Variants in SLC7A5 observed in about 807,000 individuals in gnomAD.
SLC7A5 encodes the protein large neutral amino acids transporter small subunit 1.
Under a neutral mutation model 50.2 loss-of-function variants are expected in SLC7A5, and 23 were observed. That is an observed-to-expected ratio of 0.46 (90% CI 0.33 to 0.65). The LOEUF is 0.65. Among genes scored for constraint, SLC7A5 ranks in the 30% least tolerant of loss-of-function variants. SLC7A5 has a pLI of 0.02. For synonymous variants in SLC7A5, 393 were observed against 330.6 expected (o/e 1.19, Z -2.05); for missense variants, 578 against 684.4 (o/e 0.84, Z 1.73).
At chr16:87,856,576 C>A (rs2055323999) in intron 1 of SLC7A5, among the ~76,000 whole-genome samples, 1 of 152,236 alleles carries the variant, frequency 6.6e-6, no homozygotes, top group South Asian at 2.1e-4. Context: ...CCTGGCAAAC[C>A]TGACACCCAG....
chr16:87,851,640 C>T, intron 2 of SLC7A5, 84 bp downstream of exon 2: 1 of 1,537,812 alleles, frequency 6.5e-7, no homozygotes, highest in Non-Finnish European at 8.9e-7. Context: ...TGGGAGGCAC[C>T]CGGGGACGGG....
intron 1 of SLC7A5, 32 bp from the exon 2 acceptor site, chr16:87,851,881 C>T (rs749084207): frequency 1.1e-5 from 17 of 1,611,934 alleles, no homozygotes; most frequent in Admixed American, 3.3e-5. Flanking sequence ...GTGAGTTCCA[C>T]GGGCAGACAG....
chr16:87,833,234 G>A lies in SLC7A5; in HGVS notation c.1469-209C>T, dbSNP rs530052623. Among the ~76,000 whole-genome samples, 1 of 152,368 alleles carries A rather than the reference G, an allele frequency of 6.6e-6. No homozygotes were observed. The highest frequency in any genetic ancestry group is 1.9e-4 in the East Asian group (1 of 5,180). ...CTGTCTTCAACTGAAATGCGGAAGT[G>A]CCACATCCCACTCGGCCCACCCCTC... On this transcript the variant is annotated intron_variant, in intron 9 of 9. Transcript: ENST00000261622. This position sits in a 1 kb window ranked among gnomAD's most constrained non-coding sequence, Gnocchi z 6.0.
chr16:87,850,377 C>A (rs2055205397), intron 2 of SLC7A5, among the ~76,000 whole-genome samples: 1 of 152,148 alleles, frequency 6.6e-6, no homozygotes, highest in Non-Finnish European at 1.5e-5. Context: ...TGGGTGAGGA[C>A]CTTCCTGCCT....
At chr16:87,850,905 A>T (rs2055213752) in intron 2 of SLC7A5, among the ~76,000 whole-genome samples, 1 of 152,210 alleles carries the variant, frequency 6.6e-6, no homozygotes, top group Non-Finnish European at 1.5e-5. Context: ...GGGTCCAGAG[A>T]CACCCAGCAA....
In SLC7A5 at chr16:87,862,626, C is replaced by T. The variant is rs2055413573; in HGVS notation, c.538+6259G>A. On this transcript the variant is annotated intron_variant, in intron 1 of 9. Transcript: ENST00000261622. This position sits in a 1 kb window ranked among gnomAD's most constrained non-coding sequence, Gnocchi z 5.3. ...GAGAAGACAGTGAGGCTGAGGGCTG[C>T]TCCATGTGCACAGTGAGCAGGAGAT... Among the ~76,000 whole-genome samples the T allele has an allele frequency of 6.6e-6, 1 of 152,224 alleles. No individual in the cohort carries two copies. The highest frequency in any genetic ancestry group is 1.5e-5 in the Non-Finnish European group (1 of 68,046).
chr16:87,834,767 C>A, intron 8 of SLC7A5, 176 bp from the exon 9 acceptor site: 1 of 688,708 alleles, frequency 1.5e-6, no homozygotes, highest in South Asian at 1.7e-5. Context: ...GCCCTCGACT[C>A]TGCATACAGT....
intron 5 of SLC7A5, among the ~76,000 whole-genome samples, chr16:87,839,326 C>T (rs555722458): frequency 5.3e-5 from 8 of 152,342 alleles, no homozygotes; most frequent in African/African-American, 1.4e-4. Context: ...CAGCAGCAGC[C>T]GTGCCTTCTA....
At chr16:87,838,001 G>T in intron 6 of SLC7A5, 60 bp from the exon 7 acceptor site, 1 of 1,298,318 alleles carries the variant, frequency 7.7e-7, no homozygotes, top group African/African-American at 1.4e-5. Flanking sequence ...ACGTGGACAG[G>T]GGACACGCAG....
chr16:87,860,788 T>C lies in SLC7A5; in HGVS notation c.538+8097A>G, dbSNP rs1327896658. On this transcript the variant is annotated intron_variant, in intron 1 of 9. Coordinates refer to ENST00000261622, the MANE Select transcript of SLC7A5 (RefSeq NM_003486.7). The surrounding 1 kb of genome is among the most constrained non-coding windows in gnomAD (Gnocchi z 4.8). ...GGGCGTCACGCTCCAAGGCCCAGAATAGGAGGTCGGTGCTCATTCCTCACG... is the reference window on the plus strand; with the variant it reads ...GGGCGTCACGCTCCAAGGCCCAGAACAGGAGGTCGGTGCTCATTCCTCACG... 6.6e-6 allele frequency among the ~76,000 whole-genome samples: 1 copy of C among 152,044 alleles called. No individual in the cohort carries two copies. Among genetic ancestry groups the C allele is most frequent in the African/African-American group, 2.4e-5 (1 of 41,382 alleles).
chr16:87,843,794 G>A (rs1168524095), intron 2 of SLC7A5, among the ~76,000 whole-genome samples: 2 of 152,152 alleles, frequency 1.3e-5, no homozygotes, highest in South Asian at 2.1e-4. Flanking sequence ...GAGAGCCCAC[G>A]GTGGCAGAGG....
chr16:87,845,721 T>C (rs1420594631), intron 2 of SLC7A5, among the ~76,000 whole-genome samples: 7 of 151,690 alleles, frequency 4.6e-5, no homozygotes, highest in African/African-American at 1.7e-4. Flanking sequence ...CATGAAGGAG[T>C]GGGCCCTTTG....
intron 1 of SLC7A5, among the ~76,000 whole-genome samples, chr16:87,868,111 G>A: frequency 8.0e-6 from 1 of 124,402 alleles, no homozygotes; most frequent in Non-Finnish European, 1.7e-5. Flanking sequence ...GCGGGACTCA[G>A]TGTCAAAAAA....
intron 3 of SLC7A5, among the ~76,000 whole-genome samples, chr16:87,840,750 C>G (rs1466455617): frequency 1.3e-5 from 2 of 152,194 alleles, no homozygotes; most frequent in Admixed American, 6.5e-5. Flanking sequence ...AGGAGTCAGG[C>G]TGGGGACCTG....
intron 1 of SLC7A5, among the ~76,000 whole-genome samples, chr16:87,859,600 C>A (rs1382748929): frequency 2.6e-5 from 4 of 152,150 alleles, no homozygotes; most frequent in Non-Finnish European, 4.4e-5. Flanking sequence ...CCTTGTTATA[C>A]CCCCTCCCTC....
intron 2 of SLC7A5, among the ~76,000 whole-genome samples, chr16:87,847,302 A>G (rs1174588701): frequency 6.6e-6 from 1 of 152,134 alleles, no homozygotes; most frequent in Non-Finnish European, 1.5e-5. Context: ...GTGACCACTG[A>G]GGGGGCCTTT....
chr16:87,838,050 C>T (rs1343608347), intron 6 of SLC7A5, 109 bp from the exon 7 acceptor site: 1 of 864,992 alleles, frequency 1.2e-6, no homozygotes, highest in Non-Finnish European at 1.9e-6. Flanking sequence ...CTTGTCTGGG[C>T]CTCTCTGGCC....
At chr16:87,868,158 T>C (rs2055487272) in intron 1 of SLC7A5, among the ~76,000 whole-genome samples, 1 of 151,264 alleles carries the variant, frequency 6.6e-6, no homozygotes, top group Non-Finnish European at 1.5e-5. Context: ...AAGAAAACTA[T>C]TTTGAAAAGC....
chr16:87,868,807 C>T, intron 1 of SLC7A5, 78 bp downstream of exon 1: 1 of 1,399,110 alleles, frequency 7.1e-7, no homozygotes, highest in Non-Finnish European at 9.9e-7. Flanking sequence ...GATGTGGGAG[C>T]CAGGGGCGTA....
Sources: gnomAD v4.1 joint callset for allele counts (sites outside exome capture counted in the v4.1 genomes callset) on GRCh38, gnomAD v4.1.1 for gene constraint, Gnocchi (gnomAD v3.1) non-coding constraint, MANE v1.5 for transcripts, NCBI Gene and HGNC (gene_info 2026-07-23, HGNC 2026-07-21) for gene names.